The following EYA3 variants were observed in gnomAD, a reference collection of about 807,000 sequenced individuals.
EYA3 encodes protein phosphatase EYA3.
Under a neutral mutation model 80.0 loss-of-function variants are expected in EYA3, and 39 were observed. That is an observed-to-expected ratio of 0.49 (90% CI 0.38 to 0.64). The LOEUF is 0.64. EYA3 is among the 30% of genes least tolerant of loss of function. The pLI, the probability that EYA3 is intolerant of heterozygous loss-of-function variation, is 0.00. For synonymous variants in EYA3, 206 were observed against 232.8 expected (o/e 0.88, Z 1.05); for missense variants, 523 against 676.1 (o/e 0.77, Z 2.51).
intron 1 of EYA3, among the ~76,000 whole-genome samples, chr1:28,084,592 TA>T (rs1557659915): frequency 1.5e-3 from 27 of 18,310 alleles, no homozygotes; most frequent in Non-Finnish European, 1.9e-3. Context: ...TATATATATA[TA>T]TATTTTTTTT....
rs1434108129 is a variant in EYA3 at position 27,973,761 on chromosome 1, C to G, written c.*705G>C. 6.6e-6 allele frequency: 1 copy of G among 152,174 alleles called. No individual in the cohort carries two copies. Among genetic ancestry groups the G allele is most frequent in the Non-Finnish European group, 1.5e-5 (1 of 68,032 alleles). 9.4% of individuals were successfully genotyped at this position (152,174 alleles called of 1,614,324 possible). A position where few individuals can be genotyped will look rare whatever the true frequency, so the allele number is the denominator to read the frequency against. On this transcript the variant is annotated 3_prime_UTR_variant, in exon 18 of 18. Transcript: ENST00000373871. ...GACCACTGGAGCAGCTATAGAGGTGCTACTGCCACAGGGAGGTATTTTAGA... is the reference window on the plus strand; with the variant it reads ...GACCACTGGAGCAGCTATAGAGGTGGTACTGCCACAGGGAGGTATTTTAGA...
intron 1 of EYA3, among the ~76,000 whole-genome samples, chr1:28,071,187 G>C (rs976701257): frequency 1.3e-5 from 2 of 152,174 alleles, no homozygotes; most frequent in African/African-American, 4.8e-5. Context: ...GCCTCCCAAA[G>C]TGTTGGGATT....
intron 1 of EYA3, among the ~76,000 whole-genome samples, chr1:28,073,127 A>ATATATATATATATATTTTT (rs1553157671): frequency 2.7e-4 from 4 of 14,996 alleles, no homozygotes; most frequent in Non-Finnish European, 3.4e-4. Context: ...ATATATATAT[A>ATATATATATATATATTTTT]TTTTTTTTTT....
intron 3 of EYA3, 79 bp downstream of exon 3, chr1:28,048,304 C>T (rs7541031): frequency 0.25 from 231,656 of 915,316 alleles, 30,667 homozygotes; most frequent in East Asian, 0.29. Context: ...GCAAAGCATG[C>T]CCATACGCTA....
In EYA3 at chr1:27,989,932, T is replaced by TA. The variant is rs576917826; in HGVS notation, c.1304-122_1304-121insT. The TA allele has an allele frequency of 7.9e-3, 3,720 of 473,562 alleles. 61 individuals carry two copies. Among genetic ancestry groups the TA allele is most frequent in the African/African-American group, 0.048 (2,369 of 49,516 alleles). 29.3% of individuals were successfully genotyped at this position (473,562 alleles called of 1,614,324 possible). A position where few individuals can be genotyped will look rare whatever the true frequency, so the allele number is the denominator to read the frequency against. On this transcript the variant is annotated intron_variant, in intron 14 of 17. Coordinates refer to ENST00000373871, the MANE Select transcript of EYA3 (RefSeq NM_001990.4). Reference sequence around the variant, plus strand: ...CACTGAAATATTCTACTGAGTATGTTTATATATATATATATACATATACGT... The same window carrying TA: ...CACTGAAATATTCTACTGAGTATGTTATATATATATATATATACATATACGT...
chr1:27,989,257 T>A (rs752520682), intron 15 of EYA3, among the ~76,000 whole-genome samples: 1 of 152,174 alleles, frequency 6.6e-6, no homozygotes, highest in Non-Finnish European at 1.5e-5. Context: ...TATTTCCCAG[T>A]CTAAGCTTCA....
chr1:28,057,173 CA>C (rs1157571283), intron 2 of EYA3, among the ~76,000 whole-genome samples: 1 of 152,086 alleles, frequency 6.6e-6, no homozygotes, highest in African/African-American at 2.4e-5. Flanking sequence ...AGGACTTTAT[CA>C]TTTAAATGGG....
intron 3 of EYA3, among the ~76,000 whole-genome samples, chr1:28,044,432 C>A (rs1326424425): frequency 1.3e-5 from 2 of 152,196 alleles, no homozygotes; most frequent in East Asian, 3.8e-4. Context: ...ACACAGTAAG[C>A]ACACTTTAAC....
At chr1:27,983,667 T>C (rs768161662) in intron 16 of EYA3, among the ~76,000 whole-genome samples, 23 of 152,242 alleles carry the variant, frequency 1.5e-4, no homozygotes, top group Non-Finnish European at 2.5e-4. Flanking sequence ...CTGCATTCTT[T>C]TTCTTTTGAG....
At chr1:28,017,705 AGAGC>A (rs1380889611) in intron 7 of EYA3, among the ~76,000 whole-genome samples, 1 of 152,248 alleles carries the variant, frequency 6.6e-6, no homozygotes, top group Non-Finnish European at 1.5e-5. Context: ...CATGAGAAAT[AGAGC>A]TGGTCCTCCA....
intron 1 of EYA3, among the ~76,000 whole-genome samples, chr1:28,087,470 G>GA (rs141845296): frequency 3.9e-5 from 6 of 152,228 alleles, no homozygotes; most frequent in Admixed American, 6.5e-5. Context: ...CAGTAAAAAT[G>GA]AAAAAATGCA....
At chr1:28,074,128 C>G (rs1321603538) in intron 1 of EYA3, among the ~76,000 whole-genome samples, 1 of 152,180 alleles carries the variant, frequency 6.6e-6, no homozygotes, top group East Asian at 1.9e-4. Flanking sequence ...CTGTTACCAT[C>G]ATAACAGAAG....
intron 12 of EYA3, among the ~76,000 whole-genome samples, chr1:27,998,796 T>C (rs538338730): frequency 6.6e-6 from 1 of 152,122 alleles, no homozygotes; most frequent in South Asian, 2.1e-4. Context: ...AAAGACAGAG[T>C]CTCTCTCTGC....
chr1:28,063,746 T>C (rs1355531771), intron 1 of EYA3, among the ~76,000 whole-genome samples: 2 of 152,204 alleles, frequency 1.3e-5, no homozygotes, highest in Non-Finnish European at 2.9e-5. Context: ...AAAGGTAGAA[T>C]AGGTATTAGG....
At chr1:28,033,096 T>C (rs946661276) in intron 6 of EYA3, among the ~76,000 whole-genome samples, 1 of 152,162 alleles carries the variant, frequency 6.6e-6, no homozygotes, top group African/African-American at 2.4e-5. Flanking sequence ...GACAAGGTAA[T>C]ATTATTATAA....
intron 16 of EYA3, among the ~76,000 whole-genome samples, chr1:27,978,949 C>T (rs1409232619): frequency 7.9e-5 from 12 of 152,138 alleles, no homozygotes; most frequent in Admixed American, 2.6e-4. Flanking sequence ...GCAACAAGAG[C>T]GAACTCTGTC....
chr1:27,990,031 G>C (rs1245261965), intron 14 of EYA3: 1 of 225,818 alleles, frequency 4.4e-6, no homozygotes, highest in Admixed American at 5.6e-5. Context: ...CTGTATATAG[G>C]GGTGGGGTCA....
At chr1:28,084,591 A>ATT (rs1645575271) in intron 1 of EYA3, among the ~76,000 whole-genome samples, 2 of 15,214 alleles carry the variant, frequency 1.3e-4, no homozygotes, top group Non-Finnish European at 2.1e-4. Flanking sequence ...ATATATATAT[A>ATT]TATATTTTTT....
At chr1:28,020,311 C>T (rs1465133357) in intron 7 of EYA3, among the ~76,000 whole-genome samples, 1 of 152,126 alleles carries the variant, frequency 6.6e-6, no homozygotes, top group Non-Finnish European at 1.5e-5. Context: ...ACTTGGTCTG[C>T]TGACCCAGAA....
Sources: allele counts gnomAD v4.1 joint callset (sites outside exome capture counted in the v4.1 genomes callset), GRCh38; gene constraint gnomAD v4.1.1; transcripts MANE v1.5; gene names NCBI Gene and HGNC (gene_info 2026-07-23, HGNC 2026-07-21).